LRMDA: variants seen among roughly 807,000 people sequenced by gnomAD.
The protein encoded by LRMDA is leucine rich melanocyte differentiation associated.
A neutral mutation model predicts 29.8 loss-of-function variants in LRMDA; 18 were observed. That is an observed-to-expected ratio of 0.60 (90% CI 0.42 to 0.90). The LOEUF (loss-of-function observed/expected upper bound fraction) is 0.90. Among genes scored for constraint, LRMDA ranks in the 40% least tolerant of loss-of-function variants. LRMDA has a pLI of 0.00. For synonymous variants in LRMDA, 125 were observed against 109.4 expected (o/e 1.14, Z -0.89); for missense variants, 273 against 273.9 (o/e 1.00, Z 0.02).
At chr10:76,216,121 A>T (rs1851724657) in intron 5 of LRMDA, among the ~76,000 whole-genome samples, 1 of 152,224 alleles carries the variant, frequency 6.6e-6, no homozygotes, top group Admixed American at 6.5e-5. Context: ...TGGGAGGCCA[A>T]CACAGGAAGA....
At chr10:75,678,867 G>A (rs1008287632) in intron 2 of LRMDA, among the ~76,000 whole-genome samples, 1 of 152,114 alleles carries the variant, frequency 6.6e-6, no homozygotes, top group African/African-American at 2.4e-5. Flanking sequence ...TCTTGTTAAG[G>A]ACCAAGGACT....
At chr10:76,394,803 G>A (rs1841763635) in intron 6 of LRMDA, among the ~76,000 whole-genome samples, 1 of 152,098 alleles carries the variant, frequency 6.6e-6, no homozygotes, top group Non-Finnish European at 1.5e-5. Flanking sequence ...TAATTGATTG[G>A]ATGAGAATGT....
At chr10:75,463,060 C>A (rs913447545) in intron 2 of LRMDA, among the ~76,000 whole-genome samples, 7 of 152,084 alleles carry the variant, frequency 4.6e-5, no homozygotes, top group African/African-American at 1.7e-4. Context: ...CTCCAGTTGC[C>A]GCTGGTGAGA....
chr10:75,457,921 G>C (rs1236836263), intron 2 of LRMDA, among the ~76,000 whole-genome samples: 2 of 152,108 alleles, frequency 1.3e-5, no homozygotes, highest in Admixed American at 1.3e-4. Context: ...CTGAACTCTT[G>C]CTAGTTTGAA....
chr10:76,194,002 G>T (rs950214327), intron 5 of LRMDA, among the ~76,000 whole-genome samples: 1 of 152,140 alleles, frequency 6.6e-6, no homozygotes, highest in African/African-American at 2.4e-5. Context: ...ATTTATTCAG[G>T]CAGGGAGTAG....
intron 5 of LRMDA, among the ~76,000 whole-genome samples, chr10:76,177,335 C>T (rs1384716511): frequency 6.7e-6 from 1 of 149,516 alleles, no homozygotes; most frequent in Non-Finnish European, 1.5e-5. Flanking sequence ...CTTTGGAATG[C>T]TATATGAAAA....
intron 5 of LRMDA, among the ~76,000 whole-genome samples, chr10:76,120,845 T>C (rs75053008): frequency 6.7e-5 from 10 of 149,492 alleles, no homozygotes; most frequent in East Asian, 3.9e-4. Flanking sequence ...TTTTTTTTTT[T>C]CCAAAGAGAC....
chr10:75,979,821 C>A (rs1176572726), intron 2 of LRMDA, among the ~76,000 whole-genome samples: 4 of 152,146 alleles, frequency 2.6e-5, no homozygotes, highest in Non-Finnish European at 5.9e-5. Flanking sequence ...TGTCCATCAT[C>A]TGTGTTCCTG....
rs1842838960 is a variant in LRMDA at position 75,742,215 on chromosome 10, T to C, written c.132-293793T>C. On this transcript the variant is annotated intron_variant, in intron 2 of 6. Transcript: ENST00000611255. Reference sequence around the variant, plus strand: ...TCCACGTCAAAGTTTTTCATACACATATCATGAGATTGTCAGCCAATCAAG... The same window carrying C: ...TCCACGTCAAAGTTTTTCATACACACATCATGAGATTGTCAGCCAATCAAG... 1.3e-5 allele frequency among the ~76,000 whole-genome samples: 2 copies of C among 152,244 alleles called. 1 individual carries two copies. Among genetic ancestry groups the C allele is most frequent in the South Asian group, 4.1e-4 (2 of 4,828 alleles).
Position 76,231,895 on chromosome 10 carries a change from G to T in LRMDA, c.517-92506G>T, listed in dbSNP as rs373980454. Reference sequence around the variant, plus strand: ...CAGTTTCTATATACAAACCACAGGAGGGAAATTAAGTGAGGGGAAAACATA... The same window carrying T: ...CAGTTTCTATATACAAACCACAGGATGGAAATTAAGTGAGGGGAAAACATA... On this transcript the variant is annotated intron_variant, in intron 5 of 6. Transcript: ENST00000611255. Among the ~76,000 whole-genome samples, 24 of 152,212 alleles carry T rather than the reference G, an allele frequency of 1.6e-4. 1 individual carries two copies. In the South Asian group the frequency reaches 4.8e-3, roughly 30 times the overall value.
At chr10:75,721,248 T>C (rs1367678750) in intron 2 of LRMDA, among the ~76,000 whole-genome samples, 1 of 152,180 alleles carries the variant, frequency 6.6e-6, no homozygotes, top group African/African-American at 2.4e-5. Context: ...TGAGCATCTT[T>C]GAAGACCGGG....
At chr10:75,617,890 G>T (rs554898725) in intron 2 of LRMDA, among the ~76,000 whole-genome samples, 13 of 152,172 alleles carry the variant, frequency 8.5e-5, no homozygotes, top group Non-Finnish European at 5.9e-5. Context: ...GAGACCTGGC[G>T]CTACAGAAGA....
chr10:76,264,257 A>C (rs984755164), intron 5 of LRMDA, among the ~76,000 whole-genome samples: 4 of 151,798 alleles, frequency 2.6e-5, no homozygotes, highest in East Asian at 1.9e-4. Flanking sequence ...AAAATTAGTC[A>C]GGCATGGTGG....
At chr10:76,519,507 A>G (rs545766681) in intron 6 of LRMDA, among the ~76,000 whole-genome samples, 2 of 152,358 alleles carry the variant, frequency 1.3e-5, no homozygotes, top group South Asian at 4.1e-4. Context: ...AGACAAAAAC[A>G]TATTCATATA....
intron 2 of LRMDA, among the ~76,000 whole-genome samples, chr10:75,854,938 G>A (rs191784578): frequency 6.3e-4 from 96 of 152,256 alleles, no homozygotes; most frequent in African/African-American, 2.2e-3. Flanking sequence ...TGGAGTATAT[G>A]TGCCACATTT....
chr10:76,199,070 A>C (rs576901391), intron 5 of LRMDA, among the ~76,000 whole-genome samples: 1 of 152,282 alleles, frequency 6.6e-6, no homozygotes, highest in African/African-American at 2.4e-5. Context: ...TGACTAAGGT[A>C]TAGGGTATGG....
chr10:75,564,282 T>G (rs2132064989), intron 2 of LRMDA, among the ~76,000 whole-genome samples: 1 of 152,322 alleles, frequency 6.6e-6, no homozygotes, highest in South Asian at 2.1e-4. Context: ...CAGCTTGATC[T>G]CAGACTGCTG....
chr10:76,235,533 A>T (rs540875012), intron 5 of LRMDA, among the ~76,000 whole-genome samples: 1 of 152,172 alleles, frequency 6.6e-6, no homozygotes, highest in East Asian at 1.9e-4. Flanking sequence ...CCTGCAGAGG[A>T]TTTCTGGGAA....
intron 5 of LRMDA, among the ~76,000 whole-genome samples, chr10:76,219,344 A>G (rs1589381056): frequency 6.6e-6 from 1 of 152,216 alleles, no homozygotes; most frequent in Non-Finnish European, 1.5e-5. Flanking sequence ...TTCGAGACCC[A>G]TCAGTGTGCT....
Sources: gnomAD v4.1 joint callset for allele counts (sites outside exome capture counted in the v4.1 genomes callset) on GRCh38, gnomAD v4.1.1 for gene constraint, MANE v1.5 for transcripts, NCBI Gene and HGNC (gene_info 2026-07-23, HGNC 2026-07-21) for gene names.